The following FBXL20 variants were observed in gnomAD, a reference collection of about 807,000 sequenced individuals.
FBXL20 encodes F-box/LRR-repeat protein 20.
Under a neutral mutation model 64.0 loss-of-function variants are expected in FBXL20, and 11 were observed. The ratio of observed to expected loss-of-function variants is 0.17; its 90% CI spans 0.11 to 0.28. FBXL20 has a LOEUF of 0.28. FBXL20 is among the 10% of genes least tolerant of loss of function. FBXL20 has a pLI of 1.00. For synonymous variants in FBXL20, 184 were observed against 189.0 expected (o/e 0.97, Z 0.22); for missense variants, 303 against 526.2 (o/e 0.58, Z 4.15).
intron 8 of FBXL20, among the ~76,000 whole-genome samples, chr17:39,282,169 A>G (rs933406876): frequency 2.0e-5 from 3 of 152,212 alleles, no homozygotes; most frequent in African/African-American, 2.4e-5. Context: ...CACAATTTAA[A>G]TCCACTCATT....
At chr17:39,381,146 G>C (rs2048019332) in intron 1 of FBXL20, among the ~76,000 whole-genome samples, 2 of 147,962 alleles carry the variant, frequency 1.4e-5, no homozygotes, top group Admixed American at 6.7e-5. Context: ...GGCAGTAAGA[G>C]TGAAACTCCG....
chr17:39,333,105 C>A (rs1270496091), intron 2 of FBXL20, among the ~76,000 whole-genome samples: 1 of 152,012 alleles, frequency 6.6e-6, no homozygotes, highest in Non-Finnish European at 1.5e-5. Context: ...TGGCTCTCTA[C>A]TATTTTAGAA....
intron 2 of FBXL20, among the ~76,000 whole-genome samples, chr17:39,338,064 A>G (rs917989520): frequency 1.2e-4 from 19 of 152,214 alleles, no homozygotes; most frequent in Non-Finnish European, 7.3e-5. Flanking sequence ...AGAACGGGCC[A>G]TGATGACAAT....
intron 11 of FBXL20, 138 bp downstream of exon 11, chr17:39,270,658 A>C: frequency 1.5e-6 from 1 of 648,104 alleles, no homozygotes; most frequent in Non-Finnish European, 2.7e-6. Flanking sequence ...GTAGGTCTGT[A>C]GCTATAGCAT....
At chr17:39,271,954 A>G (rs1447477004) in intron 10 of FBXL20, among the ~76,000 whole-genome samples, 2 of 152,160 alleles carry the variant, frequency 1.3e-5, no homozygotes, top group African/African-American at 4.8e-5. Context: ...CTGAAAATCA[A>G]TGAGAAATGG....
At chr17:39,312,615 C>G (rs1010874200) in intron 2 of FBXL20, among the ~76,000 whole-genome samples, 2 of 128,758 alleles carry the variant, frequency 1.6e-5, no homozygotes, top group Non-Finnish European at 3.2e-5. Flanking sequence ...ACTCTGTCCC[C>G]TGGGCTGGAG....
At chr17:39,331,890 A>G (rs2047464941) in intron 2 of FBXL20, among the ~76,000 whole-genome samples, 1 of 152,214 alleles carries the variant, frequency 6.6e-6, no homozygotes, top group Non-Finnish European at 1.5e-5. Flanking sequence ...TATTTAATCC[A>G]TTTGGCCTGC....
At chr17:39,381,160 C>CA (rs71300073) in intron 1 of FBXL20, among the ~76,000 whole-genome samples, 1,926 of 129,844 alleles carry the variant, frequency 0.015, 46 homozygotes, top group African/African-American at 0.05. Flanking sequence ...AACTCCGTCT[C>CA]AAAAAAAAAA....
intron 12 of FBXL20, among the ~76,000 whole-genome samples, chr17:39,267,529 C>G (rs975090958): frequency 3.3e-5 from 5 of 152,124 alleles, no homozygotes; most frequent in African/African-American, 1.2e-4. Context: ...TTGGAACATC[C>G]TAAAATTTTT....
intron 1 of FBXL20, among the ~76,000 whole-genome samples, chr17:39,356,682 G>T (rs2047744290): frequency 6.6e-6 from 1 of 151,920 alleles, no homozygotes; most frequent in Admixed American, 6.6e-5. Context: ...TTGAGACAGG[G>T]TATCACTCTG....
At chr17:39,324,113 G>A (rs895231124) in intron 2 of FBXL20, among the ~76,000 whole-genome samples, 1 of 143,090 alleles carries the variant, frequency 7.0e-6, no homozygotes, top group Non-Finnish European at 1.5e-5. Context: ...CATGTCCCAA[G>A]ATTTAGTTCT....
In FBXL20 at chr17:39,318,536, T is replaced by A. The variant is rs572064282; in HGVS notation, c.105-14897A>T. Among the ~76,000 whole-genome samples, 8 of 151,680 alleles carry A rather than the reference T, an allele frequency of 5.3e-5. No homozygotes were observed. The South Asian group carries it at 1.7e-3, about 32-fold the overall frequency. ...CAGGCAGATCACCTGAGATCGAGAG[T>A]TCGAGACCAGCCTGACGAACATGGA... On this transcript the variant is annotated intron_variant, in intron 2 of 14. Coordinates refer to ENST00000264658, the MANE Select transcript of FBXL20 (RefSeq NM_032875.3).
chr17:39,293,306 C>G (rs1394807855), intron 6 of FBXL20, among the ~76,000 whole-genome samples: 1 of 151,972 alleles, frequency 6.6e-6, no homozygotes, highest in Non-Finnish European at 1.5e-5. Flanking sequence ...ACTGCAACCT[C>G]CGCATCCTGG....
intron 2 of FBXL20, among the ~76,000 whole-genome samples, chr17:39,305,726 C>T (rs1487235818): frequency 6.6e-6 from 1 of 152,092 alleles, no homozygotes; most frequent in Non-Finnish European, 1.5e-5. Flanking sequence ...TGGCTCACGA[C>T]TGTAATCCCA....
At chr17:39,302,197 G>A (rs528184065) in intron 3 of FBXL20, among the ~76,000 whole-genome samples, 4 of 151,702 alleles carry the variant, frequency 2.6e-5, no homozygotes, top group African/African-American at 9.7e-5. Flanking sequence ...TCTATATATA[G>A]AGTATATATA....
At chr17:39,330,050 T>C (rs1017136373) in intron 2 of FBXL20, among the ~76,000 whole-genome samples, 1 of 151,872 alleles carries the variant, frequency 6.6e-6, no homozygotes, top group African/African-American at 2.4e-5. Context: ...CCCAGCACTT[T>C]TGGAGGTTGA....
At chr17:39,309,273 G>A (rs1161882125) in intron 2 of FBXL20, among the ~76,000 whole-genome samples, 2 of 152,000 alleles carry the variant, frequency 1.3e-5, no homozygotes, top group African/African-American at 4.8e-5. Context: ...TTCCAACCCC[G>A]ACCACTGTTT....
intron 1 of FBXL20, among the ~76,000 whole-genome samples, chr17:39,384,103 C>T (rs1326950059): frequency 6.6e-6 from 1 of 151,948 alleles, no homozygotes; most frequent in African/African-American, 2.4e-5. Flanking sequence ...GGCATGGCAG[C>T]ATGCGCACAT....
intron 2 of FBXL20, among the ~76,000 whole-genome samples, chr17:39,306,798 G>T (rs1252188184): frequency 6.6e-6 from 1 of 152,128 alleles, no homozygotes; most frequent in East Asian, 1.9e-4. Context: ...CTGATATTTT[G>T]ATTTTTCTCC....
Sources: allele counts gnomAD v4.1 joint callset (sites outside exome capture counted in the v4.1 genomes callset), GRCh38; gene constraint gnomAD v4.1.1; transcripts MANE v1.5; gene names NCBI Gene and HGNC (gene_info 2026-07-23, HGNC 2026-07-21).